BBS1: variants seen among roughly 807,000 people sequenced by gnomAD.
BBS1 encodes Bardet-Biedl syndrome 1.
A neutral mutation model predicts 73.9 loss-of-function variants in BBS1; 60 were observed. The ratio of observed to expected loss-of-function variants is 0.81; its 90% confidence interval spans 0.66 to 1.01. The LOEUF (loss-of-function observed/expected upper bound fraction) is 1.01. Among genes scored for constraint, BBS1 ranks in the 50% least tolerant of loss-of-function variants. The pLI is 0.00. For synonymous variants in BBS1, 283 were observed against 317.4 expected (o/e 0.89, Z 1.15); for missense variants, 718 against 770.3 (o/e 0.93, Z 0.80).
intron 11 of BBS1, among the ~76,000 whole-genome samples, chr11:66,525,707 G>A (rs1003340974): frequency 3.9e-5 from 6 of 152,222 alleles, no homozygotes; most frequent in Non-Finnish European, 8.8e-5. Context: ...GTAAAGAGGA[G>A]AGAACTGACA....
chr11:66,531,206 A>T (rs1423771449), intron 15 of BBS1, among the ~76,000 whole-genome samples, 178 bp downstream of exon 15: 4 of 152,072 alleles, frequency 2.6e-5, no homozygotes, highest in Admixed American at 6.5e-5. Flanking sequence ...CTCTGGAGGG[A>T]GCCCCAAGCC....
In BBS1 at chr11:66,527,142, G is replaced by C. The variant is rs1379547370; in HGVS notation, c.1339+335G>C. On this transcript the variant is annotated intron_variant, in intron 13 of 16. Transcript: ENST00000318312. Reference sequence around the variant, plus strand: ...CTGTAATCCCAACACTTTGGCAGAGGTGGGAGGACAGCATGAGCCCAGGAG... The same window carrying C: ...CTGTAATCCCAACACTTTGGCAGAGCTGGGAGGACAGCATGAGCCCAGGAG... 3 of 845,028 alleles carry C rather than the reference G, an allele frequency of 3.6e-6. No individual in the cohort carries two copies. The African/African-American group carries it at 5.0e-5, about 14-fold the overall frequency. 52.3% of individuals were successfully genotyped at this position (845,028 alleles called of 1,614,324 possible). A position where few individuals can be genotyped will look rare whatever the true frequency, so the allele number is the denominator to read the frequency against.
chr11:66,527,231 GAA>G (rs1400324756), intron 13 of BBS1, among the ~76,000 whole-genome samples: 2 of 151,726 alleles, frequency 1.3e-5, no homozygotes, highest in East Asian at 3.9e-4. Flanking sequence ...GAGAGAGAGA[GAA>G]AGAGAAAAGT....
chr11:66,531,752 G>A lies in BBS1; in HGVS notation c.1695+10G>A, dbSNP rs200276861. 1.6e-3 allele frequency: 2,593 copies of A among 1,613,982 alleles called. 42 individuals are homozygous for A. The South Asian group carries it at 0.026, about 16-fold the overall frequency. ...CTCAGACATCATCAAGGTAGGCCCC[G>A]CACTTGTACCACGTGGAAGGTGAGC... is the stretch of plus-strand genomic sequence containing the variant. On this transcript the variant is annotated intron_variant, in intron 16 of 16. Coordinates refer to ENST00000318312, the MANE Select transcript of BBS1 (RefSeq NM_024649.5).
intron 14 of BBS1, 27 bp from the exon 15 acceptor site, chr11:66,530,867 G>T (rs767550268): frequency 3.7e-6 from 6 of 1,613,908 alleles, no homozygotes; most frequent in South Asian, 3.3e-5. Flanking sequence ...AGGTCCTAAG[G>T]GCTTTCTCCA....
rs1182069156 is a variant in BBS1 at position 66,523,827 on chromosome 11, A to G, written c.1055A>G (p.Asn352Ser). Residue 352 changes from asparagine to serine, a missense_variant, in exon 11 of 17, where the codon AAT becomes AGT. By Grantham distance (46) the Asn-to-Ser change is conservative. Transcript: ENST00000318312. ...CAGGCCGTCATGGCTGGGCTGGCCA[A>G]TGGAGAGGTCCGCATTTATCGTGAC... ...GLQAVMAGLA[N>S]GEVRIYRDKA... The G allele has an allele frequency of 1.2e-6, 2 of 1,613,694 alleles. No homozygotes were observed. The highest frequency in any genetic ancestry group is 1.7e-5 in the Admixed American group (1 of 60,030).
In BBS1 at chr11:66,532,661, C is replaced by T. The variant is rs1856834378; in HGVS notation, c.*624C>T. On this transcript the variant is annotated 3_prime_UTR_variant, in exon 17 of 17. Coordinates refer to ENST00000318312, the MANE Select transcript of BBS1 (RefSeq NM_024649.5). ...AGCCAGTCTTAGGCCTACGATGCCA[C>T]ACAAAGGTTGTTCAGGGAGAAGGGG... 1 of 153,314 alleles carries T rather than the reference C, an allele frequency of 6.5e-6. No homozygotes were observed. Among genetic ancestry groups the T allele is most frequent in the Admixed American group, 6.5e-5 (1 of 15,418 alleles). 9.5% of individuals were successfully genotyped at this position (153,314 alleles called of 1,614,324 possible).
At chr11:66,524,274 C>A in intron 11 of BBS1, 2 of 310,296 alleles carry the variant, frequency 6.4e-6, no homozygotes, top group African/African-American at 2.2e-5. Context: ...AGCGAGACTC[C>A]ATCTTAAAAA....
At position 66,510,945 on chromosome 11, in the gene BBS1, G is replaced by C. The variant is rs1855928227; in HGVS notation, c.48-68G>C. The C allele has an allele frequency of 3.5e-5, 54 of 1,550,330 alleles. No homozygotes were observed. In the South Asian group the frequency reaches 5.6e-4, roughly 16 times the overall value. ...CTTATGTTCAGAGTGACCTGTACCA[G>C]CTTCCTCAAAGTTTTTTTTTCCCCT... is the stretch of plus-strand genomic sequence containing the variant. On this transcript the variant is annotated intron_variant, in intron 1 of 16. Transcript: ENST00000318312.
intron 7 of BBS1, among the ~76,000 whole-genome samples, chr11:66,518,407 G>A (rs997253893): frequency 1.3e-5 from 2 of 150,722 alleles, no homozygotes; most frequent in Non-Finnish European, 2.9e-5. Context: ...ACAGGCACCC[G>A]CCATCATGCC....
chr11:66,527,050 A>G (rs1170162334), intron 13 of BBS1: 2 of 1,526,384 alleles, frequency 1.3e-6, no homozygotes. Context: ...GGAAGGGAGC[A>G]GTCACTTCCA....
chr11:66,523,895 T>G lies in BBS1; in HGVS notation c.1110+13T>G. 1 of 1,612,268 alleles carries G rather than the reference T, an allele frequency of 6.2e-7. No homozygotes were observed. The highest frequency in any genetic ancestry group is 8.5e-7 in the Non-Finnish European group (1 of 1,180,000). On this transcript the variant is annotated intron_variant, in intron 11 of 16. Transcript: ENST00000318312. ...CATCCACACCCCGGTGAGCCCCATC[T>G]CCGGCATCTGCCACTCACTCCTCCT...
rs867676232 is a variant in BBS1 at position 66,523,415 on chromosome 11, G to A, written c.831-41G>A. ...GGAGGGTCAGCCATAGAAGTGGAGA[G>A]GATTTCTCTGGGGCCAGACAGTGTG... On this transcript the variant is annotated intron_variant, in intron 9 of 16. Coordinates refer to ENST00000318312, the MANE Select transcript of BBS1 (RefSeq NM_024649.5). The A allele has an allele frequency of 8.1e-6, 13 of 1,613,970 alleles. No homozygotes were observed. In the South Asian group the frequency reaches 1.3e-4, roughly 16 times the overall value.
chr11:66,525,872 C>T (rs1342890782), intron 11 of BBS1, among the ~76,000 whole-genome samples: 3 of 152,022 alleles, frequency 2.0e-5, no homozygotes, highest in African/African-American at 7.2e-5. Flanking sequence ...GAGAAAGACC[C>T]GAAAGACGAG....
chr11:66,515,139 A>G (rs1047237204), intron 4 of BBS1, among the ~76,000 whole-genome samples: 3 of 152,084 alleles, frequency 2.0e-5, no homozygotes, highest in Non-Finnish European at 2.9e-5. Flanking sequence ...CTTCTGGACA[A>G]GGTGTTGTGC....
chr11:66,529,039 G>C, intron 13 of BBS1: 1 of 967,968 alleles, frequency 1.0e-6, no homozygotes, highest in East Asian at 1.1e-4. Flanking sequence ...ATTAATTCTG[G>C]ATAGATTAAA....
Position 66,521,360 on chromosome 11 carries a change from A to T in BBS1, c.814A>T (p.Ile272Phe). 1 of 1,614,152 alleles carries T rather than the reference A, an allele frequency of 6.2e-7. No homozygotes were observed. Among genetic ancestry groups the T allele is most frequent in the Middle Eastern group, 1.7e-4 (1 of 6,058 alleles). ...RLAAACRNGN[I>F]YILRRDSKHP... is the part of the protein sequence containing the mutation. ...TGCCGCGGCCTGCCGCAATGGAAAC[A>T]TCTATATTCTGAGAAGGTAGCCACA... The change falls in exon 9 of 17, where the codon ATC (isoleucine) becomes TTC (phenylalanine). Residue 272 changes from isoleucine to phenylalanine, a missense_variant. Transcript: ENST00000318312.
intron 13 of BBS1, chr11:66,529,545 C>G: frequency 1.4e-6 from 1 of 707,840 alleles, no homozygotes; most frequent in African/African-American, 1.7e-5. Flanking sequence ...CAGGAGAACA[C>G]CAGCCTCTAG....
intron 13 of BBS1, chr11:66,529,500 A>T (rs1278348796): frequency 1.4e-6 from 1 of 727,574 alleles, no homozygotes; most frequent in Non-Finnish European, 2.5e-6. Context: ...TGGGGGAAGA[A>T]GATGGAGGAT....
Sources: gnomAD v4.1 joint callset for allele counts (sites outside exome capture counted in the v4.1 genomes callset) on GRCh38, gnomAD v4.1.1 for gene constraint, MANE v1.5 for transcripts, NCBI Gene and HGNC (gene_info 2026-07-23, HGNC 2026-07-21) for gene names.